Variants in SCFD2 observed in about 807,000 individuals in gnomAD.
SCFD2 encodes the protein sec1 family domain-containing protein 2.
A neutral mutation model predicts 58.9 loss-of-function variants in SCFD2; 54 were observed. The observed-to-expected ratio is 0.92, with a 90% CI of 0.74 to 1.15. The LOEUF (loss-of-function observed/expected upper bound fraction) is 1.15. SCFD2 is among the 50% of genes most tolerant of loss of function. The probability of loss-of-function intolerance (pLI) is 0.00; values close to 1 mark genes in which losing one functional copy is unlikely to be tolerated. For missense variants in SCFD2, 805 were observed against 836.6 expected (o/e 0.96, Z 0.47); for synonymous variants, 321 against 335.9 (o/e 0.96, Z 0.49).
chr4:53,139,370 C>A (rs1410151896), intron 5 of SCFD2, among the ~76,000 whole-genome samples: 2 of 150,100 alleles, frequency 1.3e-5, no homozygotes, highest in African/African-American at 2.4e-5. Context: ...GCCCAGCCGC[C>A]CAGTCTGGGA....
At chr4:52,969,080 G>A (rs909088731) in intron 5 of SCFD2, among the ~76,000 whole-genome samples, 2 of 152,052 alleles carry the variant, frequency 1.3e-5, no homozygotes, top group African/African-American at 4.8e-5. Context: ...CCTGTCTTTG[G>A]CAAGAATCCT....
intron 5 of SCFD2, among the ~76,000 whole-genome samples, chr4:52,973,858 T>C (rs564969936): frequency 4.7e-4 from 71 of 152,334 alleles, no homozygotes; most frequent in African/African-American, 1.7e-3. Flanking sequence ...GCAAGGCTGC[T>C]TCATCATAGG....
intron 6 of SCFD2, among the ~76,000 whole-genome samples, chr4:52,914,633 C>A (rs1412368396): frequency 6.6e-6 from 1 of 152,130 alleles, no homozygotes; most frequent in African/African-American, 2.4e-5. Context: ...TTGTTAGATA[C>A]AAACATACAG....
intron 5 of SCFD2, among the ~76,000 whole-genome samples, chr4:52,927,837 T>C (rs1719897672): frequency 6.6e-6 from 1 of 152,238 alleles, no homozygotes; most frequent in South Asian, 2.1e-4. Flanking sequence ...TTCCGGTGAC[T>C]GGGTCAGGTG....
intron 5 of SCFD2, among the ~76,000 whole-genome samples, chr4:53,076,724 G>A (rs1335598648): frequency 1.3e-5 from 2 of 152,156 alleles, no homozygotes; most frequent in African/African-American, 4.8e-5. Flanking sequence ...ACCTTTAAAT[G>A]GTGATGAGCA....
chr4:53,306,281 C>T (rs568505894), intron 3 of SCFD2, among the ~76,000 whole-genome samples: 2 of 152,180 alleles, frequency 1.3e-5, no homozygotes, highest in East Asian at 3.9e-4. Flanking sequence ...CAAGGCACAA[C>T]AGGAGATACA....
intron 5 of SCFD2, among the ~76,000 whole-genome samples, chr4:53,015,327 A>G (rs2170691): frequency 1.3e-5 from 2 of 152,164 alleles, no homozygotes; most frequent in Non-Finnish European, 2.9e-5. Flanking sequence ...GTTACTGGGG[A>G]CCTGCTATTT....
At chr4:53,177,722 G>A (rs1727386559) in intron 4 of SCFD2, among the ~76,000 whole-genome samples, 1 of 152,214 alleles carries the variant, frequency 6.6e-6, no homozygotes, top group Non-Finnish European at 1.5e-5. Context: ...CATCCGGGAA[G>A]CGAAAGGGGT....
intron 5 of SCFD2, among the ~76,000 whole-genome samples, chr4:53,115,000 C>T (rs765267744): frequency 4.0e-5 from 6 of 151,698 alleles, no homozygotes; most frequent in South Asian, 2.1e-4. Flanking sequence ...TAGGCAAACA[C>T]GATGTTTTTA....
intron 5 of SCFD2, among the ~76,000 whole-genome samples, chr4:52,995,986 G>T (rs1721733068): frequency 6.6e-6 from 1 of 152,218 alleles, no homozygotes; most frequent in South Asian, 2.1e-4. Context: ...GTCAATGCCA[G>T]ATCTATCCAG....
intron 4 of SCFD2, among the ~76,000 whole-genome samples, chr4:53,204,227 C>A (rs986621117): frequency 2.0e-5 from 3 of 151,934 alleles, no homozygotes; most frequent in African/African-American, 7.3e-5. Flanking sequence ...TGGAACTATC[C>A]AATATCTGCA....
At chr4:53,094,893 T>C (rs988744884) in intron 5 of SCFD2, among the ~76,000 whole-genome samples, 1 of 152,128 alleles carries the variant, frequency 6.6e-6, no homozygotes, top group Non-Finnish European at 1.5e-5. Context: ...GAAGCTGCTA[T>C]TGCTTTTGTC....
At chr4:53,212,538 TAAG>T (rs1342254685) in intron 4 of SCFD2, among the ~76,000 whole-genome samples, 1 of 149,716 alleles carries the variant, frequency 6.7e-6, no homozygotes, top group Non-Finnish European at 1.5e-5. Context: ...AATATAGTAT[TAAG>T]GAGATGGTAA....
intron 4 of SCFD2, among the ~76,000 whole-genome samples, chr4:53,231,296 A>G (rs1453138428): frequency 1.3e-5 from 2 of 152,148 alleles, no homozygotes; most frequent in Non-Finnish European, 2.9e-5. Flanking sequence ...AGATAATGCA[A>G]GCCGCACAAC....
chr4:53,051,201 C>G (rs1274658351), intron 5 of SCFD2, among the ~76,000 whole-genome samples: 1 of 152,102 alleles, frequency 6.6e-6, no homozygotes, highest in African/African-American at 2.4e-5. Flanking sequence ...TTACAAAAAG[C>G]AACAAAGGTT....
At chr4:52,880,170 T>C (rs1264539437) in intron 8 of SCFD2, among the ~76,000 whole-genome samples, 1 of 152,202 alleles carries the variant, frequency 6.6e-6, no homozygotes, top group Non-Finnish European at 1.5e-5. Flanking sequence ...TGAAGTGTGA[T>C]TCAGATCTTT....
At chr4:52,970,666 G>A (rs556077785) in intron 5 of SCFD2, among the ~76,000 whole-genome samples, 1 of 152,344 alleles carries the variant, frequency 6.6e-6, no homozygotes, top group South Asian at 2.1e-4. Context: ...TTTGAAGAGA[G>A]TAGTGGTTCT....
At chr4:53,011,060 A>G (rs542496600) in intron 5 of SCFD2, among the ~76,000 whole-genome samples, 1 of 152,286 alleles carries the variant, frequency 6.6e-6, no homozygotes, top group African/African-American at 2.4e-5. Flanking sequence ...GCTATGTCTG[A>G]TTTCATATTT....
intron 5 of SCFD2, among the ~76,000 whole-genome samples, chr4:53,128,298 G>C (rs1725692412): frequency 6.6e-6 from 1 of 152,118 alleles, no homozygotes; most frequent in Non-Finnish European, 1.5e-5. Context: ...GTATATAGCT[G>C]ACCTGATGTG....
Sources: gnomAD v4.1 joint callset for allele counts (sites outside exome capture counted in the v4.1 genomes callset) on GRCh38, gnomAD v4.1.1 for gene constraint, MANE v1.5 for transcripts, NCBI Gene and HGNC (gene_info 2026-07-23, HGNC 2026-07-21) for gene names.